TRANK1: variants seen among roughly 807,000 people sequenced by gnomAD.
TRANK1 encodes TPR and ankyrin repeat-containing protein 1.
Under a neutral mutation model 266.0 loss-of-function variants are expected in TRANK1, and 198 were observed. That is an observed-to-expected ratio of 0.74 (90% CI 0.66 to 0.84). TRANK1 has a LOEUF of 0.84. Ranked by LOEUF, TRANK1 falls within the 40% of genes least tolerant of loss-of-function variation. The probability of loss-of-function intolerance (pLI) is 0.00; values close to 1 mark genes in which losing one functional copy is unlikely to be tolerated. For missense variants in TRANK1, 3,326 were observed against 3,634.6 expected, an observed-to-expected ratio of 0.92 and a Z score of 2.18; for synonymous variants, 1,396 against 1,384.1, an observed-to-expected ratio of 1.01 and a Z score of -0.19.
intron 18 of TRANK1, among the ~76,000 whole-genome samples, chr3:36,839,783 C>T (rs2125517549): frequency 6.6e-6 from 1 of 152,292 alleles, no homozygotes; most frequent in South Asian, 2.1e-4. Flanking sequence ...CATCAGATTC[C>T]TGGGATCTAA....
upstream of TRANK1, chr3:36,945,184 C>T (rs763060759): frequency 5.8e-4 from 139 of 237,688 alleles, 1 homozygote; most frequent in Non-Finnish European, 2.1e-4. Flanking sequence ...AATGGTATGG[C>T]TCTCGGCCGC....
rs2078644093 is a variant in TRANK1, at chr3:36,827,441, T to C, written c.*834A>G. The C allele has an allele frequency of 1.3e-5, 2 of 152,224 alleles. No homozygotes were observed. The highest frequency in any genetic ancestry group is 2.4e-5 in the African/African-American group (1 of 41,436). 9.4% of individuals were successfully genotyped at this position (152,224 alleles called of 1,614,324 possible). A position where few individuals can be genotyped will look rare whatever the true frequency, so the allele number is the denominator to read the frequency against. ...GCCAGGGAGAACCAAGAAAACTAGA[T>C]GTACAGGGCTGTATACAAAACACTT... On this transcript the variant is annotated 3_prime_UTR_variant, in exon 24 of 24. Coordinates refer to ENST00000645898, the MANE Select transcript of TRANK1 (RefSeq NM_001329998.2).
chr3:36,840,749 C>A (rs539233792), intron 18 of TRANK1, among the ~76,000 whole-genome samples: 1 of 152,200 alleles, frequency 6.6e-6, no homozygotes. Context: ...CCTGTCCCCC[C>A]GGTCCCCTGA....
chr3:36,938,650 C>A (rs778851017), intron 1 of TRANK1, among the ~76,000 whole-genome samples: 122 of 152,056 alleles, frequency 8.0e-4, no homozygotes, highest in Middle Eastern at 6.8e-3. Context: ...CCTCCAGAGT[C>A]AAAACTTCTA....
chr3:36,912,325 T>C (rs1416021047), intron 1 of TRANK1, among the ~76,000 whole-genome samples: 1 of 152,200 alleles, frequency 6.6e-6, no homozygotes, highest in Admixed American at 6.5e-5. Flanking sequence ...AATTCCAACC[T>C]AGGTGGCCTC....
At chr3:36,880,217 T>TTA (rs1358526181) in intron 8 of TRANK1, 1 of 214,058 alleles carries the variant, frequency 4.7e-6, no homozygotes, top group East Asian at 1.4e-4. Context: ...AAGTTAGTCT[T>TTA]TCTTCATAAA....
chr3:36,846,255 T>G lies in TRANK1; in HGVS notation c.5184A>C (p.Glu1728Asp), dbSNP rs749436698. ...RDFVQVVKTD[E>D]NKDFDDSMFV... ...ATTTTAACAGGATCTTACCTTTATT[T>G]TCATCTGTCTTTACAACTTGGACAA... The change falls in exon 17 of 24, where the codon GAA (glutamate) becomes GAC (aspartate). Residue 1728 changes from glutamate to aspartate, a missense_variant. Physicochemically the swap from Glu to Asp is conservative, Grantham distance 45. Coordinates refer to ENST00000645898, the MANE Select transcript of TRANK1 (RefSeq NM_001329998.2). 8.8e-6 allele frequency: 14 copies of G among 1,589,302 alleles called. No homozygotes were observed. In the South Asian group the frequency reaches 1.6e-4, roughly 18 times the overall value.
At chr3:36,884,292 G>T (rs1173325638) in intron 8 of TRANK1, among the ~76,000 whole-genome samples, 3 of 152,152 alleles carry the variant, frequency 2.0e-5, no homozygotes, top group Non-Finnish European at 4.4e-5. Flanking sequence ...CTTCGCAATG[G>T]CATACCTAGT....
At chr3:36,859,295 G>A (rs1459785782) in intron 11 of TRANK1, among the ~76,000 whole-genome samples, 5 of 149,158 alleles carry the variant, frequency 3.4e-5, no homozygotes, top group Non-Finnish European at 7.4e-5. Flanking sequence ...AATACTTTAA[G>A]TTCTGGGATA....
In TRANK1 at chr3:36,830,917, G is replaced by A. The variant is rs749947789; in HGVS notation, c.8666C>T (p.Ser2889Leu). Residue 2889 changes from serine to leucine, a missense_variant, in exon 22 of 24, where the codon TCG becomes TTG. Ser to Leu is a moderately radical substitution (Grantham distance 145). Transcript: ENST00000645898. ...QKVQEHIKRV[S>L]DMVEDLYRRK... Reference sequence around the variant, plus strand: ...CCTGTAGAGGTCCTCCACCATATCCGAAACCCTCTTGATGTGCTCCTGGAC... The same window carrying A: ...CCTGTAGAGGTCCTCCACCATATCCAAAACCCTCTTGATGTGCTCCTGGAC... 3.8e-5 allele frequency: 62 copies of A among 1,613,356 alleles called. No homozygotes were observed. Among genetic ancestry groups the A allele is most frequent in the Middle Eastern group, 1.6e-4 (1 of 6,084 alleles).
chr3:36,925,549 C>T (rs1379758860), intron 1 of TRANK1, among the ~76,000 whole-genome samples: 2 of 151,184 alleles, frequency 1.3e-5, no homozygotes, highest in East Asian at 3.9e-4. Context: ...TTTTTTTAAC[C>T]TTCCTTAAAA....
At chr3:36,923,178 G>A (rs1244508079) in intron 1 of TRANK1, among the ~76,000 whole-genome samples, 1 of 151,938 alleles carries the variant, frequency 6.6e-6, no homozygotes, top group Admixed American at 6.6e-5. Context: ...TGCTGATTCT[G>A]ACCGTTGCCC....
At chr3:36,928,211 G>A (rs1217917999) in intron 1 of TRANK1, among the ~76,000 whole-genome samples, 4 of 152,168 alleles carry the variant, frequency 2.6e-5, no homozygotes, top group African/African-American at 4.8e-5. Flanking sequence ...CAATAAAACC[G>A]CCGTTGACCT....
chr3:36,879,982 G>A (rs34496131), intron 8 of TRANK1, among the ~76,000 whole-genome samples: 2,221 of 6,664 alleles, frequency 0.33, 775 homozygotes, highest in East Asian at 0.66. Context: ...ATGTAAACAT[G>A]CAAATATATG....
intron 17 of TRANK1, 47 bp downstream of exon 17, chr3:36,846,201 G>T (rs749989563): frequency 1.3e-6 from 2 of 1,507,448 alleles, no homozygotes; most frequent in African/African-American, 2.8e-5. Context: ...ACAGTTGAGA[G>T]AAACACGATT....
At chr3:36,936,239 C>G (rs2125668658) in intron 1 of TRANK1, among the ~76,000 whole-genome samples, 1 of 152,288 alleles carries the variant, frequency 6.6e-6, no homozygotes, top group South Asian at 2.1e-4. Context: ...AATCCCAGCA[C>G]TTCGGGAGGC....
At chr3:36,937,863 T>C (rs112328548) in intron 1 of TRANK1, among the ~76,000 whole-genome samples, 86 of 152,300 alleles carry the variant, frequency 5.6e-4, no homozygotes, top group African/African-American at 2.0e-3. Flanking sequence ...TAAACAAAGA[T>C]GTTTTCTAAT....
rs772267044 is a variant in TRANK1 at position 36,838,711 on chromosome 3, T to C, written c.5286A>G (p.Ala1762=). The C allele has an allele frequency of 6.2e-7, 1 of 1,613,290 alleles. No individual in the cohort carries two copies. Among genetic ancestry groups the C allele is most frequent in the South Asian group, 1.1e-5 (1 of 90,838 alleles). The change falls in exon 19 of 24, where the codon GCA becomes GCG. Residue 1762 remains alanine, a synonymous_variant. Coordinates refer to ENST00000645898, the MANE Select transcript of TRANK1 (RefSeq NM_001329998.2). ...YYAKHQCWKV[A]AKCYQKGGAF... Reference sequence around the variant, plus strand: ...CACCTCCTTTCTGGTAACACTTGGCTGCAACCTGGAATAGGCAAAAAGTTT... The same window carrying C: ...CACCTCCTTTCTGGTAACACTTGGCCGCAACCTGGAATAGGCAAAAAGTTT...
chr3:36,889,985 T>G (rs2079665127), intron 7 of TRANK1, 25 bp from the exon 8 acceptor site: 1 of 1,534,092 alleles, frequency 6.5e-7, no homozygotes, highest in Admixed American at 2.0e-5. Flanking sequence ...AATGACTTAC[T>G]AATGTTTTCC....
Sources: allele counts gnomAD v4.1 joint callset (sites outside exome capture counted in the v4.1 genomes callset), GRCh38; gene constraint gnomAD v4.1.1; transcripts MANE v1.5; gene names NCBI Gene and HGNC (gene_info 2026-07-23, HGNC 2026-07-21).